The following BMPR2 variants were observed in gnomAD, a reference collection of about 807,000 sequenced individuals.
The protein encoded by BMPR2 is bone morphogenetic protein receptor type 2.
BMPR2 carries 29 observed loss-of-function variants against 100.8 expected under a neutral mutation model. The observed-to-expected ratio is 0.29, with a 90% CI of 0.21 to 0.39. The LOEUF is 0.39. Ranked by LOEUF, BMPR2 falls within the 10% of genes least tolerant of loss-of-function variation. The pLI, the probability that BMPR2 is intolerant of heterozygous loss-of-function variation, is 1.00. For missense variants in BMPR2, 1,011 were observed against 1,274.5 expected, an observed-to-expected ratio of 0.79 and a Z score of 3.15; for synonymous variants, 382 against 442.3, an observed-to-expected ratio of 0.86 and a Z score of 1.71.
rs116573705 is a variant in BMPR2 at position 202,428,451 on chromosome 2, C to T, written c.77-36358C>T. 8.5e-3 allele frequency among the ~76,000 whole-genome samples: 1,285 copies of T among 152,066 alleles called. 9 individuals carry two copies. The highest frequency in any genetic ancestry group is 0.014 in the South Asian group (67 of 4,804). ...GCTTACTCCATCTGCCAGGCTGGAG[C>T]GCAATGGTGCGGTCATAGCTCACTG... On this transcript the variant is annotated intron_variant, in intron 1 of 12. Coordinates refer to ENST00000374580, the MANE Select transcript of BMPR2 (RefSeq NM_001204.7).
chr2:202,460,802 T>G (rs1692210770), intron 1 of BMPR2, among the ~76,000 whole-genome samples: 1 of 149,324 alleles, frequency 6.7e-6, no homozygotes, highest in African/African-American at 2.4e-5. Flanking sequence ...TTTCCTGACC[T>G]GAGAAAAGAC....
At chr2:202,496,143 T>C (rs1008076709) in intron 3 of BMPR2, among the ~76,000 whole-genome samples, 3 of 152,180 alleles carry the variant, frequency 2.0e-5, no homozygotes, top group Non-Finnish European at 4.4e-5. Context: ...TTACTTATTT[T>C]CCAAAAATCC....
Position 202,495,850 on chromosome 2 carries a change from T to C in BMPR2, c.419-17869T>C, listed in dbSNP as rs1693014971. 6.6e-6 allele frequency among the ~76,000 whole-genome samples: 1 copy of C among 152,260 alleles called. No individual in the cohort carries two copies. On this transcript the variant is annotated intron_variant, in intron 3 of 12. Coordinates refer to ENST00000374580, the MANE Select transcript of BMPR2 (RefSeq NM_001204.7). This position sits in a 1 kb window ranked among gnomAD's most constrained non-coding sequence, Gnocchi z 4.5. Reference sequence around the variant, plus strand: ...AAAAGTTTTGTTAAATTTTCTTTTATAAATTTGAGAATAAAAGCAAAGAAT... The same window carrying C: ...AAAAGTTTTGTTAAATTTTCTTTTACAAATTTGAGAATAAAAGCAAAGAAT...
At chr2:202,514,098 T>C (rs1687671476) in intron 4 of BMPR2, among the ~76,000 whole-genome samples, 1 of 151,978 alleles carries the variant, frequency 6.6e-6, no homozygotes, top group Non-Finnish European at 1.5e-5. Context: ...ATAAATATTA[T>C]CTCTACAATA....
chr2:202,423,862 C>T (rs911380985), intron 1 of BMPR2, among the ~76,000 whole-genome samples: 1 of 152,080 alleles, frequency 6.6e-6, no homozygotes, highest in African/African-American at 2.4e-5. Context: ...CAAGACCAGC[C>T]TGACCAACAT....
chr2:202,516,751 A>C (rs555235297), intron 5 of BMPR2, among the ~76,000 whole-genome samples: 1 of 152,368 alleles, frequency 6.6e-6, no homozygotes, highest in Non-Finnish European at 1.5e-5. Context: ...TGAAAGAAAT[A>C]CTAGTTAACC....
chr2:202,396,646 A>G (rs77543870), intron 1 of BMPR2, among the ~76,000 whole-genome samples: 230 of 152,336 alleles, frequency 1.5e-3, no homozygotes, highest in African/African-American at 5.2e-3. Flanking sequence ...GAGATATATG[A>G]AAAGAAGCCC....
At chr2:202,551,012 A>G (rs1383163973) in intron 10 of BMPR2, among the ~76,000 whole-genome samples, 1 of 131,480 alleles carries the variant, frequency 7.6e-6, no homozygotes, top group East Asian at 2.2e-4. Context: ...GCTGGAGTGC[A>G]ATGGCGCGAT....
intron 1 of BMPR2, among the ~76,000 whole-genome samples, chr2:202,409,986 T>A (rs1034624044): frequency 3.3e-5 from 5 of 150,918 alleles, no homozygotes; most frequent in Non-Finnish European, 7.4e-5. Context: ...CTTGATTTCT[T>A]TTCTTTTTCT....
intron 10 of BMPR2, among the ~76,000 whole-genome samples, chr2:202,544,660 A>G (rs1042121046): frequency 6.6e-6 from 1 of 151,834 alleles, no homozygotes; most frequent in Admixed American, 6.6e-5. Flanking sequence ...GTTTGTAGGC[A>G]TGGATCTTTA....
intron 10 of BMPR2, among the ~76,000 whole-genome samples, chr2:202,545,132 A>T (rs1037850215): frequency 5.6e-5 from 8 of 141,894 alleles, no homozygotes; most frequent in African/African-American, 2.2e-4. Context: ...CAAATATTGT[A>T]CCACCTGACA....
chr2:202,427,375 A>G (rs1437066631), intron 1 of BMPR2, among the ~76,000 whole-genome samples: 2 of 151,718 alleles, frequency 1.3e-5, no homozygotes, highest in Non-Finnish European at 2.9e-5. Context: ...AAAAAAAAAA[A>G]AAAAAGGGCA....
chr2:202,389,574 T>A (rs1690504577), intron 1 of BMPR2, among the ~76,000 whole-genome samples: 1 of 151,882 alleles, frequency 6.6e-6, no homozygotes, highest in Non-Finnish European at 1.5e-5. Flanking sequence ...ATTTTATCAT[T>A]TCTTTTAAAA....
intron 1 of BMPR2, among the ~76,000 whole-genome samples, chr2:202,457,542 T>TTA (rs775599027): frequency 0.064 from 8,529 of 133,570 alleles, 337 homozygotes; most frequent in Non-Finnish European, 0.083. Context: ...TAGCAATATT[T>TTA]TATATATATA....
intron 3 of BMPR2, among the ~76,000 whole-genome samples, chr2:202,511,533 T>C (rs1559060531): frequency 2.0e-5 from 3 of 152,244 alleles, no homozygotes; most frequent in African/African-American, 2.4e-5. Context: ...ACTTGCAATG[T>C]ACAAGAGTTA....
Position 202,464,957 on chromosome 2 carries a change from G to C in BMPR2, c.225G>C (p.Gly75=). The part of the protein sequence containing the change: ...TCYGLWEKSK[G]DINLVKQGCW... ...ATGGCCTTTGGGAGAAATCAAAAGGGGACATAAATCTTGTAAAACAAGGCA... is the reference window on the plus strand; with the variant it reads ...ATGGCCTTTGGGAGAAATCAAAAGGCGACATAAATCTTGTAAAACAAGGCA... Residue 75 remains glycine, a synonymous_variant, in exon 2 of 13, where the codon GGG becomes GGC. Coordinates refer to ENST00000374580, the MANE Select transcript of BMPR2 (RefSeq NM_001204.7). 6.2e-7 allele frequency: 1 copy of C among 1,613,970 alleles called. No homozygotes were observed. The highest frequency in any genetic ancestry group is 8.5e-7 in the Non-Finnish European group (1 of 1,180,010).
chr2:202,387,970 C>T (rs1465015058), intron 1 of BMPR2, among the ~76,000 whole-genome samples: 2 of 152,200 alleles, frequency 1.3e-5, no homozygotes, highest in Non-Finnish European at 2.9e-5. Flanking sequence ...TATAACTTTT[C>T]TGAGATACTT....
At chr2:202,422,857 C>T (rs12471515) in intron 1 of BMPR2, among the ~76,000 whole-genome samples, 16,550 of 151,614 alleles carry the variant, frequency 0.11, 1,041 homozygotes, top group Non-Finnish European at 0.13. Flanking sequence ...TTCTGTTTTT[C>T]GTAGAGATGG....
rs527659347 is a variant in BMPR2 at position 202,415,767 on chromosome 2, A to G, written c.76+38217A>G. Among the ~76,000 whole-genome samples, 4 of 152,336 alleles carry G rather than the reference A, an allele frequency of 2.6e-5. No individual in the cohort carries two copies. In the South Asian group the frequency reaches 8.3e-4, roughly 32 times the overall value. ...ATTGAGAACTACTGCTCAGAAAAAA[A>G]GATTGCTTTCAAAATATTACTGATC... On this transcript the variant is annotated intron_variant, in intron 1 of 12. Transcript: ENST00000374580.
Sources: allele counts gnomAD v4.1 joint callset (sites outside exome capture counted in the v4.1 genomes callset), GRCh38; gene constraint gnomAD v4.1.1; non-coding constraint Gnocchi (gnomAD v3.1); transcripts MANE v1.5; gene names NCBI Gene and HGNC (gene_info 2026-07-23, HGNC 2026-07-21).